The following SYT14 variants were observed in gnomAD, a reference collection of about 807,000 sequenced individuals.
SYT14 encodes synaptotagmin-14.
SYT14 carries 32 observed loss-of-function variants against 74.2 expected under a neutral mutation model. That is an observed-to-expected ratio of 0.43 (90% CI 0.33 to 0.58). The LOEUF (loss-of-function observed/expected upper bound fraction) is 0.58. Ranked by LOEUF, SYT14 falls within the 20% of genes least tolerant of loss-of-function variation. The probability of loss-of-function intolerance (pLI) is 0.05; values close to 1 mark genes in which losing one functional copy is unlikely to be tolerated. For synonymous variants in SYT14, 298 were observed against 337.7 expected (o/e 0.88, Z 1.29); for missense variants, 791 against 981.8 (o/e 0.81, Z 2.60).
At chr1:209,951,570 G>T (rs955889144) in intron 1 of SYT14, among the ~76,000 whole-genome samples, 4 of 151,928 alleles carry the variant, frequency 2.6e-5, no homozygotes, top group African/African-American at 4.8e-5. Context: ...ACATGCACTT[G>T]CCCCATAAAC....
chr1:210,165,302 G>GA (rs1343538266), exon 10 of SYT14: 2 of 152,018 alleles, frequency 1.3e-5, no homozygotes, highest in Admixed American at 1.3e-4. Flanking sequence ...AACTAAGGGG[G>GA]AAAAAACAGC....
At chr1:210,119,243 C>T (rs1380797476) in intron 7 of SYT14, among the ~76,000 whole-genome samples, 1 of 152,128 alleles carries the variant, frequency 6.6e-6, no homozygotes, top group Admixed American at 6.5e-5. Context: ...GGATTTAATG[C>T]TACTTTTCCA....
chr1:210,051,548 T>G (rs2080996605), intron 5 of SYT14, among the ~76,000 whole-genome samples: 1 of 152,142 alleles, frequency 6.6e-6, no homozygotes, highest in Non-Finnish European at 1.5e-5. Flanking sequence ...ACCACTTTTT[T>G]TAGTTTCTGG....
At chr1:210,102,264 T>C (rs1330667376) in intron 7 of SYT14, among the ~76,000 whole-genome samples, 1 of 152,174 alleles carries the variant, frequency 6.6e-6, no homozygotes, top group South Asian at 2.1e-4. Context: ...CCTGCCACCC[T>C]CTGATAGGCC....
chr1:210,132,426 A>G (rs751158181), intron 7 of SYT14, among the ~76,000 whole-genome samples: 1 of 152,064 alleles, frequency 6.6e-6, no homozygotes, highest in African/African-American at 2.4e-5. Flanking sequence ...TCAGGGGTAC[A>G]TGTGCAGGTT....
chr1:210,171,019 T>C (rs1331360490), exon 10 of SYT14: 2 of 152,222 alleles, frequency 1.3e-5, no homozygotes, highest in East Asian at 3.8e-4. Context: ...GTTTGTTCTT[T>C]CACTTAATGT....
chr1:210,030,976 G>C (rs1347895155), intron 5 of SYT14, among the ~76,000 whole-genome samples: 1 of 151,840 alleles, frequency 6.6e-6, no homozygotes. Context: ...GCCCAGGCTG[G>C]AGTGCAGTGG....
intron 5 of SYT14, among the ~76,000 whole-genome samples, chr1:210,056,564 C>G (rs1004824941): frequency 1.1e-4 from 16 of 149,972 alleles, no homozygotes; most frequent in African/African-American, 3.9e-4. Context: ...GCCTGTAATC[C>G]CAGCACTTTG....
intron 2 of SYT14, among the ~76,000 whole-genome samples, chr1:210,009,848 A>G (rs2080053660): frequency 6.6e-6 from 1 of 151,970 alleles, no homozygotes; most frequent in South Asian, 2.1e-4. Flanking sequence ...CTTTCTTCTC[A>G]TATCCTTCAT....
At chr1:210,122,688 A>G (rs763483997) in intron 7 of SYT14, among the ~76,000 whole-genome samples, 13 of 152,024 alleles carry the variant, frequency 8.6e-5, no homozygotes, top group Non-Finnish European at 1.6e-4. Context: ...CACATGCCAC[A>G]TTCAGTTTGC....
chr1:210,131,044 A>G (rs2082663333), intron 7 of SYT14, among the ~76,000 whole-genome samples: 1 of 152,238 alleles, frequency 6.6e-6, no homozygotes, highest in African/African-American at 2.4e-5. Context: ...AACTCACGGT[A>G]TTCATAAATT....
At chr1:210,082,978 C>CTT (rs898221466) in intron 5 of SYT14, among the ~76,000 whole-genome samples, 1 of 144,872 alleles carries the variant, frequency 6.9e-6, no homozygotes, top group Non-Finnish European at 1.5e-5. Context: ...TGGGTTATTT[C>CTT]TTTTTTTTTT....
intron 7 of SYT14, among the ~76,000 whole-genome samples, chr1:210,113,006 A>G (rs2082293222): frequency 6.6e-6 from 1 of 151,314 alleles, no homozygotes; most frequent in African/African-American, 2.5e-5. Context: ...AGTTGAGCAT[A>G]GTTTTTTATT....
At chr1:210,058,385 C>G (rs1252591205) in intron 5 of SYT14, among the ~76,000 whole-genome samples, 1 of 152,158 alleles carries the variant, frequency 6.6e-6, no homozygotes, top group African/African-American at 2.4e-5. Context: ...TCGTCTTTTT[C>G]AGTGGGCACT....
chr1:210,151,043 T>C (rs2083147853), intron 7 of SYT14, among the ~76,000 whole-genome samples: 1 of 152,190 alleles, frequency 6.6e-6, no homozygotes, highest in African/African-American at 2.4e-5. Context: ...TACTTTACTT[T>C]CACAGAATTA....
exon 10 of SYT14, chr1:210,164,046 C>T (rs1403316912): frequency 4.4e-6 from 2 of 453,372 alleles, no homozygotes; most frequent in Non-Finnish European, 8.8e-6. Flanking sequence ...GTTTATTTTT[C>T]TCCCAAATGA....
chr1:210,113,780 C>G (rs2082308070), intron 7 of SYT14, among the ~76,000 whole-genome samples: 1 of 151,106 alleles, frequency 6.6e-6, no homozygotes, highest in Non-Finnish European at 1.5e-5. Context: ...GTTGAAATGT[C>G]TCCACCTAAT....
chr1:210,140,322 T>G (rs550519498), intron 7 of SYT14, among the ~76,000 whole-genome samples: 1 of 152,252 alleles, frequency 6.6e-6, no homozygotes, highest in African/African-American at 2.4e-5. Flanking sequence ...TTTGGATAAA[T>G]TTTGCCTTTG....
At chr1:209,971,190 T>TTAGTG (rs1484532265) in intron 2 of SYT14, among the ~76,000 whole-genome samples, 4 of 152,190 alleles carry the variant, frequency 2.6e-5, no homozygotes, top group Non-Finnish European at 5.9e-5. Flanking sequence ...AGCTTAAACA[T>TTAGTG]TATAAGTGTA....
Sources: allele counts gnomAD v4.1 joint callset (sites outside exome capture counted in the v4.1 genomes callset), GRCh38; gene constraint gnomAD v4.1.1; transcripts MANE v1.5; gene names NCBI Gene and HGNC (gene_info 2026-07-23, HGNC 2026-07-21).